Variants in PYCR1 observed in about 807,000 individuals in gnomAD.
PYCR1 encodes pyrroline-5-carboxylate reductase 1, also known as pyrroline-5-carboxylate reductase 1, mitochondrial.
In PYCR1, 19 loss-of-function variants were observed where a neutral mutation model predicts 22.9. The observed-to-expected ratio is 0.83, with a 90% CI of 0.58 to 1.22. The LOEUF (loss-of-function observed/expected upper bound fraction) is 1.22. PYCR1 is among the 50% of genes most tolerant of loss of function. The probability of loss-of-function intolerance (pLI) is 0.00; values close to 1 mark genes in which losing one functional copy is unlikely to be tolerated. For synonymous variants in PYCR1, 175 were observed against 180.5 expected (o/e 0.97, Z 0.24); for missense variants, 429 against 431.3 (o/e 0.99, Z 0.05).
chr17:81,933,062 T>A lies in PYCR1; in HGVS notation c.*152A>T. 1 of 1,578,758 alleles carries A rather than the reference T, an allele frequency of 6.3e-7. No homozygotes were observed. The highest frequency in any genetic ancestry group is 1.1e-5 in the South Asian group (1 of 87,976). ...ACTTGCAGACCACAGAGATTTCCAG[T>A]GGGAAGTGATGTGGCCCCTCCCTGG... On this transcript the variant is annotated 3_prime_UTR_variant, in exon 7 of 7. Transcript: ENST00000329875.
rs767043460 is a variant in PYCR1, at chr17:81,933,354, G to C, written c.820C>G (p.Gln274Glu). 1 of 1,613,826 alleles carries C rather than the reference G, an allele frequency of 6.2e-7. No individual in the cohort carries two copies. The highest frequency in any genetic ancestry group is 1.1e-5 in the South Asian group (1 of 91,090). ...ATGGCGGCTGGTGACACCTGCTCCT[G>C]GTCAGCCATGGACTGCAGCTCCCTA... ...RTRELQSMADQEQVSPAAIKK... is the reference protein window; with the variant it reads ...RTRELQSMADEEQVSPAAIKK... The change falls in exon 7 of 7, where the codon CAG becomes GAG. Residue 274 changes from glutamine to glutamate, a missense_variant. Coordinates refer to ENST00000329875, the MANE Select transcript of PYCR1 (RefSeq NM_006907.4).
intron 6 of PYCR1, among the ~76,000 whole-genome samples, chr17:81,933,588 C>T (rs1031616862): frequency 6.6e-6 from 1 of 152,226 alleles, no homozygotes; most frequent in Non-Finnish European, 1.5e-5. Context: ...CAAATCTCCC[C>T]GCAGTGCCCC....
rs925092659 is a variant in PYCR1 at position 81,935,101 on chromosome 17, G to C, written c.365C>G (p.Thr122Ser). 8 of 1,610,086 alleles carry C rather than the reference G, an allele frequency of 5.0e-6. No individual in the cohort carries two copies. Among genetic ancestry groups the C allele is most frequent in the Non-Finnish European group, 6.8e-6 (8 of 1,179,984 alleles). ...RPAPRVIRCM[T>S]NTPVVVREGA... is the part of the protein sequence containing the mutation. Reference sequence around the variant, plus strand: ...CTCCCGCACCACGACTGGAGTGTTGGTCATGCAGCGGATGACCCTGGGGGC... The same window carrying C: ...CTCCCGCACCACGACTGGAGTGTTGCTCATGCAGCGGATGACCCTGGGGGC... Residue 122 changes from threonine (T) to serine (S), a missense_variant, in exon 4 of 7, where the codon ACC (threonine) becomes AGC (serine). Transcript: ENST00000329875.
chr17:81,932,433 C>A lies in PYCR1; in HGVS notation c.*781G>T. ...TTTAATCAGTAAGGCAGATGCCCTC[C>A]AAGATGTGGGCGGGCCTTGTCTAAT... is the stretch of plus-strand genomic sequence containing the variant. On this transcript the variant is annotated 3_prime_UTR_variant, in exon 7 of 7. Coordinates refer to ENST00000329875, the MANE Select transcript of PYCR1 (RefSeq NM_006907.4). 4.3e-6 allele frequency: 1 copy of A among 234,854 alleles called. No homozygotes were observed. Among genetic ancestry groups the A allele is most frequent in the Non-Finnish European group, 8.6e-6 (1 of 116,740 alleles). The allele number at this position is 234,854 out of a possible 1,614,324, so 14.5% of individuals were successfully genotyped here. A position where few individuals can be genotyped will look rare whatever the true frequency, so the allele number is the denominator to read the frequency against.
At chr17:81,936,514 C>G (rs2041198175) in intron 1 of PYCR1, among the ~76,000 whole-genome samples, 2 of 152,328 alleles carry the variant, frequency 1.3e-5, no homozygotes, top group Admixed American at 1.3e-4. Context: ...CGTGAGCCAC[C>G]GCGCCCGGCC....
intron 6 of PYCR1, 68 bp downstream of exon 6, chr17:81,934,258 T>A (rs773824798): frequency 1.9e-6 from 3 of 1,586,872 alleles, no homozygotes; most frequent in African/African-American, 2.7e-5. Flanking sequence ...AATGAGCAGA[T>A]GTGTGTGAGA....
At chr17:81,933,883 C>G (rs950912689) in intron 6 of PYCR1, among the ~76,000 whole-genome samples, 1 of 152,248 alleles carries the variant, frequency 6.6e-6, no homozygotes, top group African/African-American at 2.4e-5. Flanking sequence ...TTGCTCTTTG[C>G]TTCTTTCACC....
At position 81,937,020 on chromosome 17, in the gene PYCR1, G is replaced by A; in HGVS notation, c.-206C>T. The A allele has an allele frequency of 2.1e-6, 3 of 1,459,022 alleles. No individual in the cohort carries two copies. The highest frequency in any genetic ancestry group is 2.7e-6 in the Non-Finnish European group (3 of 1,106,628). The allele number at this position is 1,459,022 out of a possible 1,614,324, so 90.4% of individuals were successfully genotyped here. A position where few individuals can be genotyped will look rare whatever the true frequency, so the allele number is the denominator to read the frequency against. On this transcript the variant is annotated 5_prime_UTR_variant, in exon 1 of 7. Coordinates refer to ENST00000329875, the MANE Select transcript of PYCR1 (RefSeq NM_006907.4). ...AACTGCTTCGGGGCCCCCAGTCAGA[G>A]CGGCGGTGCCTGGCCTGCTGCCTAG... is the stretch of plus-strand genomic sequence containing the variant.
chr17:81,936,682 C>T, intron 1 of PYCR1, 66 bp downstream of exon 1: 1 of 1,523,218 alleles, frequency 6.6e-7, no homozygotes, highest in Admixed American at 2.0e-5. Flanking sequence ...AGCCCCCAGC[C>T]CTGCAGAAGT....
intron 4 of PYCR1, 87 bp from the exon 5 acceptor site, chr17:81,934,832 C>T (rs2041126687): frequency 1.3e-6 from 2 of 1,548,046 alleles, no homozygotes; most frequent in Admixed American, 3.8e-5. Flanking sequence ...GCCTTGGAGC[C>T]CTCCACCCTG....
rs773780326 is a variant in PYCR1 at position 81,933,349 on chromosome 17, C to G, written c.825G>C (p.Glu275Asp). The G allele has an allele frequency of 1.2e-6, 2 of 1,613,834 alleles. No individual in the cohort carries two copies. Among genetic ancestry groups the G allele is most frequent in the Non-Finnish European group, 1.7e-6 (2 of 1,179,996 alleles). The change falls in exon 7 of 7, where the codon GAG becomes GAC. Residue 275 changes from glutamate to aspartate, a missense_variant. Coordinates refer to ENST00000329875, the MANE Select transcript of PYCR1 (RefSeq NM_006907.4). Reference sequence around the variant, plus strand: ...TCTTGATGGCGGCTGGTGACACCTGCTCCTGGTCAGCCATGGACTGCAGCT... The same window carrying G: ...TCTTGATGGCGGCTGGTGACACCTGGTCCTGGTCAGCCATGGACTGCAGCT... Reference protein sequence around the residue: ...TRELQSMADQEQVSPAAIKKT... With the variant: ...TRELQSMADQDQVSPAAIKKT...
chr17:81,936,641 A>G, intron 1 of PYCR1, 107 bp downstream of exon 1: 1 of 1,234,520 alleles, frequency 8.1e-7, no homozygotes, highest in Non-Finnish European at 1.2e-6. Flanking sequence ...TTCCCGCAGG[A>G]CTCAGGCCTT....
chr17:81,933,960 C>G (rs781262094), intron 6 of PYCR1, among the ~76,000 whole-genome samples: 1 of 152,216 alleles, frequency 6.6e-6, no homozygotes, highest in South Asian at 2.1e-4. Context: ...AATCCCACAG[C>G]GAGGGCAGGA....
Position 81,933,019 on chromosome 17 carries a change from T to C in PYCR1, c.*195A>G. On this transcript the variant is annotated 3_prime_UTR_variant, in exon 7 of 7. Coordinates refer to ENST00000329875, the MANE Select transcript of PYCR1 (RefSeq NM_006907.4). ...AGGTTGAGGTTGGGGAATCCACCCC[T>C]GTTCTGGGCTGGGAAGCACTTGCAG... 3 of 1,583,290 alleles carry C rather than the reference T, an allele frequency of 1.9e-6. No individual in the cohort carries two copies. The highest frequency in any genetic ancestry group is 1.7e-6 in the Non-Finnish European group (2 of 1,167,716).
chr17:81,934,890 G>A, intron 4 of PYCR1, 36 bp downstream of exon 4: 1 of 1,605,388 alleles, frequency 6.2e-7, no homozygotes, highest in Non-Finnish European at 8.5e-7. Flanking sequence ...GTCCCGGGAA[G>A]TGCCCGCCGC....
Position 81,936,797 on chromosome 17 carries a change from G to A in PYCR1, c.18C>T (p.Ile6=). 2 of 1,610,330 alleles carry A rather than the reference G, an allele frequency of 1.2e-6. No homozygotes were observed. The highest frequency in any genetic ancestry group is 1.1e-5 in the South Asian group (1 of 90,404). The change falls in exon 1 of 7, where the codon ATC becomes ATT. Residue 6 remains isoleucine, a synonymous_variant. Coordinates refer to ENST00000329875, the MANE Select transcript of PYCR1 (RefSeq NM_006907.4). MSVGF[I]GAGQLAFALA... ...GGGCAAAAGCCAGCTGGCCAGCGCC[G>A]ATGAAGCCCACGCTCATGCTGTCCG...
Position 81,934,186 on chromosome 17 carries a change from G to A in PYCR1, c.797+140C>T, listed in dbSNP as rs1105628. 16,646 of 1,338,736 alleles carry A rather than the reference G, an allele frequency of 0.012. 1,624 individuals carry two copies. The African/African-American group carries it at 0.21, about 17-fold the overall frequency. The allele number at this position is 1,338,736 out of a possible 1,614,324, so 82.9% of individuals were successfully genotyped here. On this transcript the variant is annotated intron_variant, in intron 6 of 6. Coordinates refer to ENST00000329875, the MANE Select transcript of PYCR1 (RefSeq NM_006907.4). ...TGCCCACAGTAACCCAGGGAACCTC[G>A]GGGCCCCCTGTGTCCTGCGCAACAC...
In PYCR1 at chr17:81,936,830, CT is replaced by C; in HGVS notation, c.-17del. 1.9e-6 allele frequency: 3 copies of C among 1,603,486 alleles called. No individual in the cohort carries two copies. Among genetic ancestry groups the C allele is most frequent in the Middle Eastern group, 1.7e-4 (1 of 5,732 alleles). ...CCACGCTCATGCTGTCCGGAGACCC[CT>C]GGCCCAAAGCCCCCACAGATGGCAC... On this transcript the variant is annotated 5_prime_UTR_variant, in exon 1 of 7. Transcript: ENST00000329875.
In PYCR1 at chr17:81,937,036, T is replaced by A; in HGVS notation, c.-222A>T. On this transcript the variant is annotated 5_prime_UTR_variant, in exon 1 of 7. Coordinates refer to ENST00000329875, the MANE Select transcript of PYCR1 (RefSeq NM_006907.4). The stretch of plus-strand genomic sequence containing the variant: ...CCAGTCAGAGCGGCGGTGCCTGGCC[T>A]GCTGCCTAGGGTCCCGCACCCACTG... 1 of 1,452,844 alleles carries A rather than the reference T, an allele frequency of 6.9e-7. No homozygotes were observed. 90.0% of individuals were successfully genotyped at this position (1,452,844 alleles called of 1,614,324 possible).
Sources: allele counts gnomAD v4.1 joint callset (sites outside exome capture counted in the v4.1 genomes callset), GRCh38; gene constraint gnomAD v4.1.1; transcripts MANE v1.5; gene names NCBI Gene and HGNC (gene_info 2026-07-23, HGNC 2026-07-21).